SLC9B1: variants seen among roughly 807,000 people sequenced by gnomAD.
SLC9B1 encodes the protein solute carrier family 9 member B1, also known as sodium/hydrogen exchanger 9B1.
SLC9B1 carries 32 observed loss-of-function variants against 51.7 expected under a neutral mutation model. That is an observed-to-expected ratio of 0.62 (90% CI 0.47 to 0.83). The LOEUF is 0.83. SLC9B1 is among the 40% of genes least tolerant of loss of function. The probability of loss-of-function intolerance (pLI) is 0.00; values close to 1 mark genes in which losing one functional copy is unlikely to be tolerated. For missense variants in SLC9B1, 406 were observed against 613.2 expected, an observed-to-expected ratio of 0.66 and a Z score of 3.57; for synonymous variants, 145 against 212.7, an observed-to-expected ratio of 0.68 and a Z score of 2.77.
intron 1 of SLC9B1, among the ~76,000 whole-genome samples, chr4:103,000,102 C>A (rs1294071063): frequency 6.6e-6 from 1 of 152,142 alleles, no homozygotes; most frequent in Non-Finnish European, 1.5e-5. Context: ...CCCCCTTGAT[C>A]CAGTCACCTT....
rs184193670 is a variant in SLC9B1 at position 102,943,121 on chromosome 4, T to C, written c.653+2072A>G. 1.4e-3 allele frequency among the ~76,000 whole-genome samples: 208 copies of C among 146,572 alleles called. No individual in the cohort carries two copies. The Middle Eastern group carries it at 0.017, about 12-fold the overall frequency. ...TAGGGAAATGCAAACAAAACCACAA[T>C]GCAATACCATCTCACTCCTCCAAGA... is the stretch of plus-strand genomic sequence containing the variant. On this transcript the variant is annotated intron_variant, in intron 6 of 11. Transcript: ENST00000296422.
intron 3 of SLC9B1, among the ~76,000 whole-genome samples, chr4:102,982,137 T>C (rs973360611): frequency 2.6e-5 from 4 of 152,140 alleles, no homozygotes; most frequent in African/African-American, 9.6e-5. Context: ...CCATATGTTT[T>C]GTCATGATGT....
chr4:102,958,013 TGA>T (rs1737896532), intron 3 of SLC9B1, among the ~76,000 whole-genome samples: 1 of 152,152 alleles, frequency 6.6e-6, no homozygotes, highest in Admixed American at 6.5e-5. Flanking sequence ...CTTGGGAGGC[TGA>T]GATAGAAGTA....
chr4:102,947,100 T>C (rs535156401), intron 4 of SLC9B1, among the ~76,000 whole-genome samples: 1 of 152,164 alleles, frequency 6.6e-6, no homozygotes, highest in South Asian at 2.1e-4. Context: ...CATGGGAAGG[T>C]TTTAGGCAGG....
At chr4:102,897,577 T>C (rs4699033), downstream of SLC9B1, 153,691 of 285,484 alleles carry the variant, frequency 0.54, 43,424 homozygotes, top group African/African-American at 0.78. Flanking sequence ...TACTTCATGG[T>C]AGTTATCCCA....
At chr4:103,007,591 CTT>C (rs58447131) in intron 1 of SLC9B1, among the ~76,000 whole-genome samples, 1,126 of 107,722 alleles carry the variant, frequency 0.01, 8 homozygotes, top group African/African-American at 0.037. Context: ...CTCTTGTCAT[CTT>C]TTTTTTTTTT....
intron 3 of SLC9B1, chr4:102,962,165 T>C (rs1335046567): frequency 4.1e-5 from 20 of 487,734 alleles, no homozygotes; most frequent in South Asian, 3.1e-4. Context: ...CACTGAGCCA[T>C]AGTTTACTAT....
intron 3 of SLC9B1, among the ~76,000 whole-genome samples, chr4:102,957,780 A>ATGTGTG (rs1429450558): frequency 2.0e-5 from 3 of 149,880 alleles, no homozygotes; most frequent in African/African-American, 4.9e-5. Context: ...GTATGTGTGT[A>ATGTGTG]TATGTGTGTG....
chr4:103,013,337 T>C (rs1741171630), intron 1 of SLC9B1, among the ~76,000 whole-genome samples: 1 of 152,202 alleles, frequency 6.6e-6, no homozygotes, highest in African/African-American at 2.4e-5. Context: ...GATGTGTTTT[T>C]CCCCTTTTGA....
intron 1 of SLC9B1, among the ~76,000 whole-genome samples, chr4:103,019,235 G>A (rs1741604505): frequency 6.6e-6 from 1 of 151,956 alleles, no homozygotes; most frequent in South Asian, 2.1e-4. Context: ...TGTATGTGAA[G>A]GTTTATTTGC....
chr4:102,972,302 C>T (rs552087514), intron 3 of SLC9B1, among the ~76,000 whole-genome samples: 7 of 152,164 alleles, frequency 4.6e-5, no homozygotes, highest in Non-Finnish European at 7.4e-5. Context: ...ACTATCAAGT[C>T]GGCTTCATCC....
chr4:102,941,310 A>G (rs1341200084), intron 6 of SLC9B1, among the ~76,000 whole-genome samples: 1 of 152,170 alleles, frequency 6.6e-6, no homozygotes, highest in Non-Finnish European at 1.5e-5. Context: ...GCAAAAACCT[A>G]ACAACCCCAT....
At chr4:102,932,494 T>G (rs1365744548) in intron 6 of SLC9B1, among the ~76,000 whole-genome samples, 195 bp from the exon 7 acceptor site, 8 of 152,250 alleles carry the variant, frequency 5.3e-5, no homozygotes, top group Admixed American at 1.3e-4. Flanking sequence ...AGATGTGGTT[T>G]AAAATGTTGG....
chr4:102,928,594 A>C (rs1202329284), intron 7 of SLC9B1, among the ~76,000 whole-genome samples: 2 of 152,198 alleles, frequency 1.3e-5, no homozygotes, highest in African/African-American at 4.8e-5. Flanking sequence ...GCATTACTCC[A>C]TTACCTTGGT....
At chr4:102,968,666 C>T (rs1738562862) in intron 3 of SLC9B1, among the ~76,000 whole-genome samples, 1 of 152,200 alleles carries the variant, frequency 6.6e-6, no homozygotes. Context: ...TGGTTCATCT[C>T]ACTGGGACTG....
intron 3 of SLC9B1, among the ~76,000 whole-genome samples, chr4:102,959,219 G>T (rs993198151): frequency 7.7e-6 from 1 of 129,326 alleles, no homozygotes; most frequent in Admixed American, 8.0e-5. Flanking sequence ...GAGATTAGGA[G>T]ACATACATAT....
intron 6 of SLC9B1, among the ~76,000 whole-genome samples, chr4:102,935,063 AATC>A (rs1736652012): frequency 6.6e-6 from 1 of 152,146 alleles, no homozygotes; most frequent in Admixed American, 6.5e-5. Flanking sequence ...AGAGAAAAAA[AATC>A]ATCACAAACA....
intron 11 of SLC9B1, among the ~76,000 whole-genome samples, chr4:102,895,003 A>G (rs1219161676): frequency 6.6e-6 from 1 of 152,204 alleles, no homozygotes; most frequent in Admixed American, 6.5e-5. Context: ...AATTCACATT[A>G]GAATCACAAA....
At chr4:102,928,651 AG>A (rs1263454364) in intron 7 of SLC9B1, among the ~76,000 whole-genome samples, 10 of 152,200 alleles carry the variant, frequency 6.6e-5, no homozygotes, top group African/African-American at 2.2e-4. Flanking sequence ...TAGAACTAAT[AG>A]GATATATGTA....
Sources: allele counts gnomAD v4.1 joint callset (sites outside exome capture counted in the v4.1 genomes callset), GRCh38; gene constraint gnomAD v4.1.1; transcripts MANE v1.5; gene names NCBI Gene and HGNC (gene_info 2026-07-23, HGNC 2026-07-21).